The following TRIP12 variants were observed in gnomAD, a reference collection of about 807,000 sequenced individuals.
TRIP12 encodes E3 ubiquitin-protein ligase TRIP12.
TRIP12 carries 25 observed loss-of-function variants against 244.2 expected under a neutral mutation model. The ratio of observed to expected loss-of-function variants is 0.10; its 90% CI spans 0.07 to 0.14. TRIP12 has a LOEUF of 0.14. TRIP12 is among the 10% of genes least tolerant of loss of function. TRIP12 has a pLI of 1.00. For missense variants in TRIP12, 1,677 were observed against 2,486.4 expected, an observed-to-expected ratio of 0.67 and a Z score of 6.92; for synonymous variants, 905 against 873.1, an observed-to-expected ratio of 1.04 and a Z score of -0.64.
intron 1 of TRIP12, among the ~76,000 whole-genome samples, chr2:229,895,233 C>T (rs1281209289): frequency 1.3e-5 from 2 of 152,134 alleles, no homozygotes; most frequent in Non-Finnish European, 2.9e-5. Context: ...TAATAAAGCT[C>T]AGACAGGTCT....
In TRIP12 at chr2:229,766,449, C is replaced by G. The variant is rs939590458; in HGVS notation, c.*1105G>C. On this transcript the variant is annotated 3_prime_UTR_variant, in exon 42 of 42. Transcript: ENST00000675903. The stretch of plus-strand genomic sequence containing the variant: ...ATGGATTATTGCAGATTTGAGAAAT[C>G]AGCACATAAAATGACTGGACAGCAT... 2.6e-5 allele frequency: 4 copies of G among 152,162 alleles called. No homozygotes were observed. In the East Asian group the frequency reaches 7.7e-4, roughly 29 times the overall value. 9.4% of individuals were successfully genotyped at this position (152,162 alleles called of 1,614,324 possible). A position where few individuals can be genotyped will look rare whatever the true frequency, so the allele number is the denominator to read the frequency against.
chr2:229,858,687 A>G (rs972066429), intron 4 of TRIP12, 85 bp downstream of exon 4: 10 of 1,215,712 alleles, frequency 8.2e-6, no homozygotes, highest in Non-Finnish European at 7.9e-6. Context: ...GGGGGAAAAA[A>G]CCCTTAACTT....
At chr2:229,890,806 T>C (rs2067163258) in intron 1 of TRIP12, among the ~76,000 whole-genome samples, 1 of 152,228 alleles carries the variant, frequency 6.6e-6, no homozygotes, top group African/African-American at 2.4e-5. Context: ...CCCACATTTC[T>C]ACATTTAGCA....
chr2:229,780,878 A>C (rs1466037250), intron 34 of TRIP12, among the ~76,000 whole-genome samples: 1 of 152,196 alleles, frequency 6.6e-6, no homozygotes, highest in East Asian at 1.9e-4. Flanking sequence ...TCTGTTCTGC[A>C]CTGAATCCCA....
intron 1 of TRIP12, among the ~76,000 whole-genome samples, chr2:229,896,764 G>A (rs2068953223): frequency 6.6e-6 from 1 of 152,114 alleles, no homozygotes; most frequent in Admixed American, 6.6e-5. Context: ...AATACAGAAT[G>A]AAAGAAGATG....
At chr2:229,773,557 A>G (rs935054334) in intron 38 of TRIP12, 5 of 151,668 alleles carry the variant, frequency 3.3e-5, no homozygotes, top group African/African-American at 1.2e-4. Context: ...TAATTTTTGC[A>G]TTTTTTTGTA....
At chr2:229,850,867 G>A (rs908484738) in intron 4 of TRIP12, among the ~76,000 whole-genome samples, 14 of 152,368 alleles carry the variant, frequency 9.2e-5, no homozygotes, top group African/African-American at 3.1e-4. Flanking sequence ...CCGGGCCAGC[G>A]GCTGCGGAGA....
At chr2:229,919,677 A>C (rs77569750) in intron 1 of TRIP12, among the ~76,000 whole-genome samples, 1,725 of 152,290 alleles carry the variant, frequency 0.011, 81 homozygotes, top group East Asian at 0.086. Flanking sequence ...ATGTCAGCTG[A>C]ACAGACTTAA....
intron 2 of TRIP12, among the ~76,000 whole-genome samples, chr2:229,868,157 A>G (rs1293712519): frequency 6.6e-6 from 1 of 152,220 alleles, no homozygotes; most frequent in Non-Finnish European, 1.5e-5. Flanking sequence ...ATTGCTGAAA[A>G]GAGCAAGTTA....
chr2:229,915,088 C>T (rs1198781142), intron 1 of TRIP12, among the ~76,000 whole-genome samples: 2 of 152,168 alleles, frequency 1.3e-5, no homozygotes, highest in African/African-American at 4.8e-5. Flanking sequence ...CCTGTCTCTA[C>T]TAAAAATACA....
At chr2:229,910,330 C>T (rs886227129) in intron 1 of TRIP12, among the ~76,000 whole-genome samples, 1 of 152,078 alleles carries the variant, frequency 6.6e-6, no homozygotes, top group Non-Finnish European at 1.5e-5. Flanking sequence ...TATGAATCAC[C>T]TTCATTTTCT....
intron 1 of TRIP12, among the ~76,000 whole-genome samples, chr2:229,899,437 T>G (rs1002908496): frequency 6.6e-6 from 1 of 152,190 alleles, no homozygotes; most frequent in African/African-American, 2.4e-5. Flanking sequence ...CCCTGTGCTA[T>G]CAGCTGTGAA....
intron 4 of TRIP12, among the ~76,000 whole-genome samples, chr2:229,848,325 C>T (rs1475448702): frequency 1.6e-5 from 2 of 124,850 alleles, no homozygotes; most frequent in African/African-American, 3.0e-5. Flanking sequence ...AGGCCCCCCC[C>T]GCCCCCCCCA....
At chr2:229,887,733 T>C (rs1418709257) in intron 1 of TRIP12, among the ~76,000 whole-genome samples, 2 of 152,248 alleles carry the variant, frequency 1.3e-5, no homozygotes, top group Non-Finnish European at 2.9e-5. Flanking sequence ...ATAAAGAAGA[T>C]GACTGCACAT....
At chr2:229,879,736 C>A (rs1224312116) in intron 2 of TRIP12, among the ~76,000 whole-genome samples, 1 of 152,184 alleles carries the variant, frequency 6.6e-6, no homozygotes, top group Non-Finnish European at 1.5e-5. Flanking sequence ...AAACATGACA[C>A]ACCACATGCT....
chr2:229,812,752 G>A (rs1448132985), intron 13 of TRIP12, among the ~76,000 whole-genome samples: 1 of 152,178 alleles, frequency 6.6e-6, no homozygotes, highest in Admixed American at 6.5e-5. Context: ...GCTGCAGTGA[G>A]ATCACGCCAC....
At chr2:229,877,563 T>C (rs2063843798) in intron 2 of TRIP12, among the ~76,000 whole-genome samples, 1 of 152,176 alleles carries the variant, frequency 6.6e-6, no homozygotes, top group South Asian at 2.1e-4. Flanking sequence ...TTTTTTAATC[T>C]ACATAACACT....
intron 1 of TRIP12, among the ~76,000 whole-genome samples, chr2:229,892,582 A>C (rs965124335): frequency 1.1e-4 from 16 of 152,172 alleles, no homozygotes; most frequent in African/African-American, 3.6e-4. Flanking sequence ...ATACAAAAAA[A>C]ATTAGGTCAG....
chr2:229,778,612 C>G lies in TRIP12; in HGVS notation c.5210-25G>C, dbSNP rs749914856. 5 of 1,592,210 alleles carry G rather than the reference C, an allele frequency of 3.1e-6. No individual in the cohort carries two copies. In the South Asian group the frequency reaches 5.7e-5, roughly 18 times the overall value. ...CCTGAAAAACAAGCAATGCAGCAAA[C>G]TTCAGATGATGTTTCCAAAAACAAA... On this transcript the variant is annotated intron_variant, in intron 35 of 41. Coordinates refer to ENST00000675903, the MANE Select transcript of TRIP12 (RefSeq NM_001348323.3). The surrounding 1 kb of genome is among the most constrained non-coding windows in gnomAD (Gnocchi z 4.1).
Sources: gnomAD v4.1 joint callset for allele counts (sites outside exome capture counted in the v4.1 genomes callset) on GRCh38, gnomAD v4.1.1 for gene constraint, Gnocchi (gnomAD v3.1) non-coding constraint, MANE v1.5 for transcripts, NCBI Gene and HGNC (gene_info 2026-07-23, HGNC 2026-07-21) for gene names.